CLHC1: variants seen among roughly 807,000 people sequenced by gnomAD.
CLHC1 encodes clathrin heavy chain linker domain-containing protein 1.
CLHC1 carries 72 observed loss-of-function variants against 69.5 expected under a neutral mutation model. The observed-to-expected ratio is 1.04, with a 90% confidence interval of 0.86 to 1.26. CLHC1 has a LOEUF of 1.26. CLHC1 is among the 50% of genes most tolerant of loss of function. The probability of loss-of-function intolerance (pLI) is 0.00; values close to 1 mark genes in which losing one functional copy is unlikely to be tolerated. For synonymous variants in CLHC1, 223 were observed against 224.3 expected, an observed-to-expected ratio of 0.99 and a Z score of 0.05; for missense variants, 790 against 679.3, an observed-to-expected ratio of 1.16 and a Z score of -1.81.
rs773239297 is a variant in CLHC1 at position 55,209,414 on chromosome 2, T to A, written c.804A>T (p.Lys268Asn). The stretch of plus-strand genomic sequence containing the variant: ...ATATAGATAATCTACCTTGTAAATA[T>A]TTGGTTTTCTGAATTTGCTCCACAA... ...QDFVEQIQKTKYLQGDQGIVE... is the reference protein window; with the variant it reads ...QDFVEQIQKTNYLQGDQGIVE... Residue 268 changes from lysine (K) to asparagine (N), a missense_variant, in exon 7 of 13, where the codon AAA becomes AAT. Lys to Asn is a moderately conservative substitution (Grantham distance 94). Coordinates refer to ENST00000401408, the MANE Select transcript of CLHC1 (RefSeq NM_152385.4). 2 of 1,591,214 alleles carry A rather than the reference T, an allele frequency of 1.3e-6. No individual in the cohort carries two copies. The highest frequency in any genetic ancestry group is 2.3e-5 in the South Asian group (2 of 87,804).
chr2:55,196,277 C>T (rs1350524449), intron 9 of CLHC1, among the ~76,000 whole-genome samples: 1 of 152,148 alleles, frequency 6.6e-6, no homozygotes, highest in Non-Finnish European at 1.5e-5. Flanking sequence ...GACTGCAACT[C>T]CTAGGTAAGT....
chr2:55,205,342 A>G (rs1178479308), intron 9 of CLHC1, among the ~76,000 whole-genome samples: 2 of 152,086 alleles, frequency 1.3e-5, no homozygotes, highest in East Asian at 1.9e-4. Flanking sequence ...ACTATTCACA[A>G]TAGCAAAGTC....
At chr2:55,204,750 A>G (rs1251796488) in intron 9 of CLHC1, among the ~76,000 whole-genome samples, 1 of 152,222 alleles carries the variant, frequency 6.6e-6, no homozygotes, top group Non-Finnish European at 1.5e-5. Flanking sequence ...CTATTCAGTC[A>G]TAAAAAAGAA....
intron 9 of CLHC1, among the ~76,000 whole-genome samples, chr2:55,196,693 G>T (rs1671453201): frequency 6.6e-6 from 1 of 152,230 alleles, no homozygotes; most frequent in African/African-American, 2.4e-5. Context: ...AGCAGCAGTA[G>T]CCAGGTAGTA....
At chr2:55,184,949 C>CAT (rs1374769480) in intron 9 of CLHC1, among the ~76,000 whole-genome samples, 34 of 148,728 alleles carry the variant, frequency 2.3e-4, no homozygotes, top group African/African-American at 7.2e-4. Context: ...CACACACACA[C>CAT]ACACACACAC....
Position 55,204,542 on chromosome 2 carries a change from C to T in CLHC1, c.1006+1728G>A, listed in dbSNP as rs145505609. On this transcript the variant is annotated intron_variant, in intron 9 of 12. Transcript: ENST00000401408. ...GGAATGTAAATTAGTACAACCACTA[C>T]GGAAAACACTTTGGAGGTTCCTCAA... Among the ~76,000 whole-genome samples the T allele has an allele frequency of 1.3e-4, 20 of 152,166 alleles. 1 individual carries two copies. The East Asian group carries it at 2.7e-3, about 21-fold the overall frequency.
chr2:55,209,610 CAT>C lies in CLHC1; in HGVS notation c.701+18_701+19del. ...CAAATAAAACTCCAAACTTTAAAAACATATAATCAACTTCCATACCAAAACTG... is the reference window on the plus strand; with the variant it reads ...CAAATAAAACTCCAAACTTTAAAAACATAATCAACTTCCATACCAAAACTG... On this transcript the variant is annotated intron_variant, in intron 6 of 12. Transcript: ENST00000401408. 6.2e-7 allele frequency: 1 copy of C among 1,608,982 alleles called. No individual in the cohort carries two copies. Among genetic ancestry groups the C allele is most frequent in the Non-Finnish European group, 8.5e-7 (1 of 1,175,916 alleles).
At chr2:55,182,744 GCATGTTCCTTAAGGGTGAAGGAGATTC>G (rs1670045505) in intron 9 of CLHC1, among the ~76,000 whole-genome samples, 1 of 152,138 alleles carries the variant, frequency 6.6e-6, no homozygotes, top group Non-Finnish European at 1.5e-5. Context: ...TCACAAGATT[GCATGTTCCTTAAGGGTGAAGGAGATTC>G]CATGAAAGGC....
At chr2:55,181,884 T>A (rs757743330) in intron 9 of CLHC1, 140 bp from the exon 10 acceptor site, 177 of 668,688 alleles carry the variant, frequency 2.6e-4, no homozygotes, top group Middle Eastern at 2.5e-3. Context: ...TTTTAACTCA[T>A]GCTTATAGAT....
intron 10 of CLHC1, among the ~76,000 whole-genome samples, chr2:55,181,043 C>T (rs1371233032): frequency 2.0e-5 from 3 of 152,064 alleles, no homozygotes; most frequent in Non-Finnish European, 2.9e-5. Context: ...TGCAGTGGCG[C>T]GATCTCGTCT....
chr2:55,219,570 T>TTATA (rs1013018180), intron 3 of CLHC1, among the ~76,000 whole-genome samples: 2 of 152,080 alleles, frequency 1.3e-5, no homozygotes, highest in Non-Finnish European at 2.9e-5. Flanking sequence ...TTATTCATGG[T>TTATA]TTTATTTATT....
intron 9 of CLHC1, among the ~76,000 whole-genome samples, chr2:55,190,827 T>C (rs1224927872): frequency 6.6e-6 from 1 of 152,084 alleles, no homozygotes; most frequent in Admixed American, 6.6e-5. Flanking sequence ...ATAATGGCTA[T>C]GTATTTTCAT....
At position 55,181,625 on chromosome 2, in the gene CLHC1, A is replaced by G; in HGVS notation, c.1126T>C (p.Cys376Arg). Residue 376 changes from cysteine to arginine, a missense_variant, in exon 10 of 13, where the codon TGT (cysteine) becomes CGT (arginine). Coordinates refer to ENST00000401408, the MANE Select transcript of CLHC1 (RefSeq NM_152385.4). ...TCTAACCGTTTTTCTGATAATCCAC[A>G]TTTGATTCCTTCCAGGGTTAGAGCT... ...DAALTLEGIK[C>R]GLSEKRLDLV... 1 of 1,613,632 alleles carries G rather than the reference A, an allele frequency of 6.2e-7. No homozygotes were observed. The highest frequency in any genetic ancestry group is 8.5e-7 in the Non-Finnish European group (1 of 1,179,866).
intron 3 of CLHC1, among the ~76,000 whole-genome samples, chr2:55,221,565 A>C (rs1174309914): frequency 6.6e-6 from 1 of 152,240 alleles, no homozygotes; most frequent in Non-Finnish European, 1.5e-5. Context: ...ACTCAAAATA[A>C]CAAGGAAGTA....
intron 8 of CLHC1, 94 bp downstream of exon 8, chr2:55,208,532 G>T: frequency 1.3e-6 from 1 of 774,716 alleles, no homozygotes; most frequent in Non-Finnish European, 2.2e-6. Context: ...TATCTCCTCT[G>T]AAAAATCTCC....
At chr2:55,195,229 C>A (rs2103815743) in intron 9 of CLHC1, among the ~76,000 whole-genome samples, 1 of 152,292 alleles carries the variant, frequency 6.6e-6, no homozygotes, top group East Asian at 1.9e-4. Flanking sequence ...ATTCCACTCT[C>A]CGCTTCTATG....
At chr2:55,207,369 C>T (rs773888390) in intron 8 of CLHC1, among the ~76,000 whole-genome samples, 5 of 152,104 alleles carry the variant, frequency 3.3e-5, no homozygotes, top group South Asian at 2.1e-4. Context: ...GAGCCCCAGG[C>T]GGAAAACCCA....
chr2:55,210,169 GTTTTA>G (rs201842015), intron 5 of CLHC1, among the ~76,000 whole-genome samples: 1 of 151,482 alleles, frequency 6.6e-6, no homozygotes, highest in African/African-American at 2.4e-5. Context: ...CAGGCTAGCA[GTTTTA>G]TTTTATTTTA....
chr2:55,179,892 C>T (rs987564689), intron 11 of CLHC1, among the ~76,000 whole-genome samples: 2 of 152,188 alleles, frequency 1.3e-5, no homozygotes. Flanking sequence ...CGGTGGCTCA[C>T]ATCTGCAATC....
Sources: gnomAD v4.1 joint callset for allele counts (sites outside exome capture counted in the v4.1 genomes callset) on GRCh38, gnomAD v4.1.1 for gene constraint, MANE v1.5 for transcripts, NCBI Gene and HGNC (gene_info 2026-07-23, HGNC 2026-07-21) for gene names.